Variants in ABAT observed in about 807,000 individuals in gnomAD.
ABAT encodes 4-aminobutyrate aminotransferase.
Under a neutral mutation model 64.6 loss-of-function variants are expected in ABAT, and 45 were observed. The observed-to-expected ratio is 0.70, with a 90% CI of 0.55 to 0.89. The LOEUF is 0.89. Among genes scored for constraint, ABAT ranks in the 40% least tolerant of loss-of-function variants. The pLI, the probability that ABAT is intolerant of heterozygous loss-of-function variation, is 0.00. For synonymous variants in ABAT, 297 were observed against 250.5 expected (o/e 1.19, Z -1.75); for missense variants, 633 against 658.4 (o/e 0.96, Z 0.42).
chr16:8,713,473 A>C, intron 1 of ABAT: 1 of 180,570 alleles, frequency 5.5e-6, no homozygotes, highest in Non-Finnish European at 1.2e-5. Context: ...GCCTCTGTTA[A>C]TCTTTGTTTC....
chr16:8,703,805 C>G (rs887893299), intron 1 of ABAT, among the ~76,000 whole-genome samples: 1 of 152,216 alleles, frequency 6.6e-6, no homozygotes, highest in African/African-American at 2.4e-5. Flanking sequence ...AAGGGCCAGA[C>G]AGTAAGTATT....
At chr16:8,735,483 C>T (rs74664407) in intron 1 of ABAT, among the ~76,000 whole-genome samples, 6,737 of 152,140 alleles carry the variant, frequency 0.044, 216 homozygotes, top group African/African-American at 0.085. Context: ...AACTCCTGGC[C>T]TCAAGAAGTC....
chr16:8,763,770 G>A (rs1315970548), intron 6 of ABAT, among the ~76,000 whole-genome samples: 2 of 152,194 alleles, frequency 1.3e-5, no homozygotes, highest in Non-Finnish European at 2.9e-5. Flanking sequence ...GCAAAAACCA[G>A]TACAAAGAGC....
At chr16:8,770,610 T>A (rs2060078859) in intron 11 of ABAT, among the ~76,000 whole-genome samples, 1 of 152,060 alleles carries the variant, frequency 6.6e-6, no homozygotes, top group South Asian at 2.1e-4. Context: ...CCTGGCTAAT[T>A]TTTGTATTTT....
intron 1 of ABAT, among the ~76,000 whole-genome samples, chr16:8,711,095 T>C (rs2058060783): frequency 6.6e-6 from 1 of 152,220 alleles, no homozygotes; most frequent in African/African-American, 2.4e-5. Flanking sequence ...TTCCTTCAAG[T>C]AGAATTATGC....
chr16:8,754,316 C>G (rs2142788042), intron 5 of ABAT, among the ~76,000 whole-genome samples: 1 of 151,800 alleles, frequency 6.6e-6, no homozygotes, highest in African/African-American at 2.4e-5. Flanking sequence ...GATTACACCA[C>G]TGCACTCCAG....
intron 1 of ABAT, chr16:8,720,849 A>G (rs1596417228): frequency 6.6e-6 from 1 of 152,268 alleles, no homozygotes; most frequent in South Asian, 2.1e-4. Flanking sequence ...GGTCTTTTCT[A>G]GAGAGATCTG....
intron 1 of ABAT, among the ~76,000 whole-genome samples, chr16:8,708,484 G>A (rs56724096): frequency 0.03 from 4,621 of 151,862 alleles, 216 homozygotes; most frequent in African/African-American, 0.11. Context: ...CTCGGGGGCA[G>A]GGTTGTGTGT....
chr16:8,725,044 G>A (rs1299062408), intron 1 of ABAT, among the ~76,000 whole-genome samples: 1 of 151,840 alleles, frequency 6.6e-6, no homozygotes, highest in Admixed American at 6.6e-5. Flanking sequence ...AGCCTCCAAA[G>A]TAGCTGGGAT....
intron 1 of ABAT, among the ~76,000 whole-genome samples, chr16:8,683,080 T>G (rs2141922803): frequency 6.6e-6 from 1 of 152,342 alleles, no homozygotes; most frequent in South Asian, 2.1e-4. Flanking sequence ...TTTGTACCTT[T>G]GCCTGACGTT....
rs376574278 is a variant in ABAT at position 8,776,329 on chromosome 16, C to G, written c.1123-15C>G. ...CATGTGTGTGAAGCCTTCCAACACC[C>G]GTTCCTCATTCCAGCCCTACCGGAT... On this transcript the variant is annotated splice_polypyrimidine_tract_variant and intron_variant, in intron 13 of 15. Coordinates refer to ENST00000268251, the MANE Select transcript of ABAT (RefSeq NM_020686.6). The surrounding 1 kb of genome is among the most constrained non-coding windows in gnomAD (Gnocchi z 4.4). 2 of 1,614,144 alleles carry G rather than the reference C, an allele frequency of 1.2e-6. No individual in the cohort carries two copies. Among genetic ancestry groups the G allele is most frequent in the Non-Finnish European group, 8.5e-7 (1 of 1,180,028 alleles).
rs113882149 is a variant in ABAT at position 8,744,371 on chromosome 16, A to AT, written c.71-1621dup. Among the ~76,000 whole-genome samples, 93 of 150,368 alleles carry AT rather than the reference A, an allele frequency of 6.2e-4. 1 individual carries two copies. The Middle Eastern group carries it at 0.01, about 17-fold the overall frequency. ...GAGAGCAAGCAGGGAGGAGCCACAC[A>AT]TTTTTTTTTCTTTTGAGATGGAGTC... On this transcript the variant is annotated intron_variant, in intron 2 of 15. Transcript: ENST00000268251.
chr16:8,724,920 C>CTTT (rs562546446), intron 1 of ABAT, among the ~76,000 whole-genome samples: 1 of 46,252 alleles, frequency 2.2e-5, no homozygotes, highest in Non-Finnish European at 4.0e-5. Flanking sequence ...TCTCTTTTTT[C>CTTT]TTTTTTTTTT....
intron 1 of ABAT, among the ~76,000 whole-genome samples, chr16:8,730,451 C>G (rs1385788888): frequency 6.6e-6 from 1 of 152,190 alleles, no homozygotes; most frequent in East Asian, 1.9e-4. Context: ...TGCTGCTGAG[C>G]CCACGTGTTT....
At chr16:8,688,494 C>A (rs1417725082) in intron 1 of ABAT, among the ~76,000 whole-genome samples, 3 of 152,114 alleles carry the variant, frequency 2.0e-5, no homozygotes, top group African/African-American at 7.2e-5. Context: ...GTTTTTTTAA[C>A]AATTTACTTT....
intron 5 of ABAT, among the ~76,000 whole-genome samples, chr16:8,752,817 C>A (rs990544115): frequency 6.6e-6 from 1 of 152,206 alleles, no homozygotes; most frequent in African/African-American, 2.4e-5. Context: ...AGTTCTCTCT[C>A]TGGCCACCTG....
At chr16:8,769,529 A>AGCC (rs1439032251) in intron 11 of ABAT, among the ~76,000 whole-genome samples, 1 of 145,064 alleles carries the variant, frequency 6.9e-6, no homozygotes, top group Non-Finnish European at 1.5e-5. Flanking sequence ...ACTGCACTCC[A>AGCC]GCCTGGGTAA....
intron 8 of ABAT, among the ~76,000 whole-genome samples, chr16:8,765,345 AAAAG>A (rs1179541151): frequency 4.0e-5 from 6 of 150,964 alleles, no homozygotes; most frequent in Non-Finnish European, 5.9e-5. Flanking sequence ...CAAAAAAAAA[AAAAG>A]AAGAAGAAAA....
chr16:8,764,188 G>C lies in ABAT; in HGVS notation c.447+39G>C. On this transcript the variant is annotated intron_variant, in intron 7 of 15. Coordinates refer to ENST00000268251, the MANE Select transcript of ABAT (RefSeq NM_020686.6). This position sits in a 1 kb window ranked among gnomAD's most constrained non-coding sequence, Gnocchi z 4.2. The stretch of plus-strand genomic sequence containing the variant: ...AAGCAATCCCATTGTCTTCAGACGT[G>C]GTACTGGCAGGGGAAGGGAAAAGTG... The C allele has an allele frequency of 6.5e-7, 1 of 1,548,926 alleles. No homozygotes were observed. The highest frequency in any genetic ancestry group is 8.9e-7 in the Non-Finnish European group (1 of 1,122,706).
Sources: gnomAD v4.1 joint callset for allele counts (sites outside exome capture counted in the v4.1 genomes callset) on GRCh38, gnomAD v4.1.1 for gene constraint, Gnocchi (gnomAD v3.1) non-coding constraint, MANE v1.5 for transcripts, NCBI Gene and HGNC (gene_info 2026-07-23, HGNC 2026-07-21) for gene names.